Variants in AGO3 observed in about 807,000 individuals in gnomAD.
AGO3 encodes the protein protein argonaute-3.
In AGO3, 16 loss-of-function variants were observed where a neutral mutation model predicts 105.5. That is an observed-to-expected ratio of 0.15 (90% CI 0.10 to 0.23). The LOEUF (loss-of-function observed/expected upper bound fraction) is 0.23, where lower values mean the gene tolerates loss of function less well. AGO3 is among the 10% of genes least tolerant of loss of function. The pLI, the probability that AGO3 is intolerant of heterozygous loss-of-function variation, is 1.00. For missense variants in AGO3, 534 were observed against 1,088.0 expected (o/e 0.49, Z 7.16); for synonymous variants, 340 against 367.3 (o/e 0.93, Z 0.85).
intron 3 of AGO3, among the ~76,000 whole-genome samples, chr1:35,970,558 C>T (rs1571449011): frequency 6.6e-6 from 1 of 152,112 alleles, no homozygotes; most frequent in South Asian, 2.1e-4. Context: ...CCTTTCTCTA[C>T]CCCTAGAATT....
intron 16 of AGO3, among the ~76,000 whole-genome samples, chr1:36,041,536 C>T (rs553241128): frequency 3.9e-4 from 59 of 152,162 alleles, no homozygotes; most frequent in East Asian, 1.5e-3. Context: ...CCACTGCGCC[C>T]GGCCAGAAAT....
rs1643044780 is a variant in AGO3 at position 36,063,118 on chromosome 1, AGAGT to A, written c.*7374_*7377del. 6.6e-6 allele frequency: 1 copy of A among 152,190 alleles called. No homozygotes were observed. The highest frequency in any genetic ancestry group is 2.4e-5 in the African/African-American group (1 of 41,440). The allele number at this position is 152,190 out of a possible 1,614,324, so 9.4% of individuals were successfully genotyped here. A position where few individuals can be genotyped will look rare whatever the true frequency, so the allele number is the denominator to read the frequency against. On this transcript the variant is annotated 3_prime_UTR_variant, in exon 19 of 19. Transcript: ENST00000373191. Reference sequence around the variant, plus strand: ...CCAAACTACGAATTCCATAAACTCTAGAGTTTGGATTTTTACCAATAAACCATTA... The same window carrying A: ...CCAAACTACGAATTCCATAAACTCTATTGGATTTTTACCAATAAACCATTA...
At chr1:36,042,909 C>T (rs1370515059) in intron 16 of AGO3, among the ~76,000 whole-genome samples, 1 of 152,166 alleles carries the variant, frequency 6.6e-6, no homozygotes, top group African/African-American at 2.4e-5. Context: ...ATTCCTGAGC[C>T]TTTATTTCCC....
chr1:35,967,003 A>G lies in AGO3; in HGVS notation c.240A>G (p.Gly80=). 1 of 1,613,488 alleles carries G rather than the reference A, an allele frequency of 6.2e-7. No homozygotes were observed. Among genetic ancestry groups the G allele is most frequent in the Non-Finnish European group, 8.5e-7 (1 of 1,179,784 alleles). The change falls in exon 3 of 19, where the codon GGA becomes GGG. Residue 80 remains glycine, a synonymous_variant. Coordinates refer to ENST00000373191, the MANE Select transcript of AGO3 (RefSeq NM_024852.4). ...MVQHFKVTIF[G]DRRPVYDGKR... ...AGCATTTTAAAGTAACTATATTTGG[A>G]GACCGTAGACCAGTTTATGATGGAA...
At chr1:35,931,547 G>T in intron 1 of AGO3, 102 bp downstream of exon 1, 1 of 1,234,334 alleles carries the variant, frequency 8.1e-7, no homozygotes, top group Non-Finnish European at 1.0e-6. Context: ...GGTGAGCGTC[G>T]GGCGGGCATC....
At chr1:35,964,670 G>A (rs761284054) in intron 2 of AGO3, among the ~76,000 whole-genome samples, 2 of 152,112 alleles carry the variant, frequency 1.3e-5, no homozygotes, top group African/African-American at 2.4e-5. Context: ...TTAAATGGTA[G>A]TTCTCTTTTT....
chr1:36,054,099 A>C (rs1005330451), intron 17 of AGO3, among the ~76,000 whole-genome samples: 2 of 151,960 alleles, frequency 1.3e-5, no homozygotes, highest in African/African-American at 4.8e-5. Flanking sequence ...AGCCTCCCCA[A>C]AGTGCTGAGA....
intron 5 of AGO3, among the ~76,000 whole-genome samples, chr1:35,978,406 G>A (rs1646991241): frequency 1.3e-5 from 2 of 152,110 alleles, no homozygotes. Context: ...TGGTCAGGCT[G>A]GTCTCGAACT....
At position 35,945,964 on chromosome 1, in the gene AGO3, T is replaced by G. The variant is rs112026957; in HGVS notation, c.191+101T>G. 811 of 1,225,280 alleles carry G rather than the reference T, an allele frequency of 6.6e-4. 4 individuals are homozygous for G. In the African/African-American group the frequency reaches 0.011, roughly 17 times the overall value. 75.9% of individuals were successfully genotyped at this position (1,225,280 alleles called of 1,614,324 possible). Reference sequence around the variant, plus strand: ...GAATAACAATTACAATGTGTAACAGTTTGACCAAAAACATCTGGTAATTTG... The same window carrying G: ...GAATAACAATTACAATGTGTAACAGGTTGACCAAAAACATCTGGTAATTTG... On this transcript the variant is annotated intron_variant, in intron 2 of 18. Transcript: ENST00000373191.
At chr1:36,002,411 C>T (rs1640128958) in intron 5 of AGO3, among the ~76,000 whole-genome samples, 1 of 148,408 alleles carries the variant, frequency 6.7e-6, no homozygotes, top group Non-Finnish European at 1.5e-5. Context: ...CTCACTGCAA[C>T]CTCGGCCTCC....
chr1:36,012,790 A>G (rs1313853098), intron 9 of AGO3, among the ~76,000 whole-genome samples: 1 of 152,088 alleles, frequency 6.6e-6, no homozygotes, highest in Non-Finnish European at 1.5e-5. Context: ...TCAGCTGGGT[A>G]GTACATAGTG....
At chr1:36,001,413 A>G (rs1036063491) in intron 5 of AGO3, among the ~76,000 whole-genome samples, 4 of 152,354 alleles carry the variant, frequency 2.6e-5, no homozygotes, top group African/African-American at 9.6e-5. Flanking sequence ...CATGAAGTAC[A>G]TTCATACAGT....
chr1:36,018,589 T>C (rs776155070), intron 11 of AGO3, among the ~76,000 whole-genome samples: 10 of 151,862 alleles, frequency 6.6e-5, no homozygotes, highest in Admixed American at 1.3e-4. Flanking sequence ...TGTGCCACCA[T>C]GCCTGGCTAA....
chr1:35,959,216 G>A (rs1287550018), intron 2 of AGO3, among the ~76,000 whole-genome samples: 1 of 152,086 alleles, frequency 6.6e-6, no homozygotes, highest in Non-Finnish European at 1.5e-5. Flanking sequence ...TTTATAATCT[G>A]TGCACCAGAG....
At chr1:35,961,896 G>T (rs936528389) in intron 2 of AGO3, among the ~76,000 whole-genome samples, 3 of 152,110 alleles carry the variant, frequency 2.0e-5, no homozygotes, top group African/African-American at 7.2e-5. Context: ...GGTAAGTTGA[G>T]ATTCTCTAAT....
intron 1 of AGO3, among the ~76,000 whole-genome samples, chr1:35,941,737 A>G (rs1434092446): frequency 6.6e-6 from 1 of 152,230 alleles, no homozygotes; most frequent in Admixed American, 6.5e-5. Context: ...TCACACCTGT[A>G]ATCCCAGTAT....
At chr1:35,972,324 A>G in intron 4 of AGO3, 92 bp downstream of exon 4, 1 of 1,346,412 alleles carries the variant, frequency 7.4e-7, no homozygotes. Flanking sequence ...TTTGTCATAT[A>G]TTTTGATTGT....
At chr1:36,049,093 A>G (rs1315632287) in intron 17 of AGO3, among the ~76,000 whole-genome samples, 1 of 152,214 alleles carries the variant, frequency 6.6e-6, no homozygotes, top group African/African-American at 2.4e-5. Context: ...GCAAACTAAC[A>G]CAGGAACAGA....
chr1:35,974,903 A>G (rs1010209773), intron 5 of AGO3, among the ~76,000 whole-genome samples: 8 of 152,244 alleles, frequency 5.3e-5, no homozygotes, highest in Admixed American at 5.2e-4. Flanking sequence ...AGTACCTGAA[A>G]TTAGACATTC....
Sources: gnomAD v4.1 joint callset for allele counts (sites outside exome capture counted in the v4.1 genomes callset) on GRCh38, gnomAD v4.1.1 for gene constraint, MANE v1.5 for transcripts, NCBI Gene and HGNC (gene_info 2026-07-23, HGNC 2026-07-21) for gene names.